The following KLHL24 variants were observed in gnomAD, a reference collection of about 807,000 sequenced individuals.
KLHL24 encodes the protein kelch-like protein 24.
In KLHL24, 29 loss-of-function variants were observed where a neutral mutation model predicts 53.4. The observed-to-expected ratio is 0.54, with a 90% CI of 0.40 to 0.74. The LOEUF is 0.74. Among genes scored for constraint, KLHL24 ranks in the 30% least tolerant of loss-of-function variants. The pLI is 0.00. For missense variants in KLHL24, 504 were observed against 744.0 expected (o/e 0.68, Z 3.75); for synonymous variants, 222 against 253.7 (o/e 0.88, Z 1.19).
intron 7 of KLHL24, among the ~76,000 whole-genome samples, chr3:183,674,279 CTT>C (rs1223268744): frequency 6.6e-6 from 1 of 150,384 alleles, no homozygotes; most frequent in Non-Finnish European, 1.5e-5. Context: ...TTCTTTCTTT[CTT>C]TCTTTCTTTC....
rs909333512 is a variant in KLHL24, at chr3:183,679,367, C to T, written c.*81C>T. 1.1e-6 allele frequency: 1 copy of T among 936,388 alleles called. No individual in the cohort carries two copies. The highest frequency in any genetic ancestry group is 1.7e-5 in the African/African-American group (1 of 60,040). 58.0% of individuals were successfully genotyped at this position (936,388 alleles called of 1,614,324 possible). A position where few individuals can be genotyped will look rare whatever the true frequency, so the allele number is the denominator to read the frequency against. ...ACTCTACAGTGGGAACTTCACATATCTCCTTTGTGCCATATGCAAAAAATA... is the reference window on the plus strand; with the variant it reads ...ACTCTACAGTGGGAACTTCACATATTTCCTTTGTGCCATATGCAAAAAATA... On this transcript the variant is annotated 3_prime_UTR_variant, in exon 8 of 8. Coordinates refer to ENST00000242810, the MANE Select transcript of KLHL24 (RefSeq NM_017644.3).
At chr3:183,646,012 C>G (rs201262572) in intron 2 of KLHL24, among the ~76,000 whole-genome samples, 1 of 151,566 alleles carries the variant, frequency 6.6e-6, no homozygotes, top group East Asian at 1.9e-4. Flanking sequence ...TTAGAAAATG[C>G]ATGTATATTT....
rs755337179 is a variant in KLHL24, at chr3:183,663,437, C to T, written c.921-21C>T. The T allele has an allele frequency of 5.1e-5, 64 of 1,267,244 alleles. No individual in the cohort carries two copies. The highest frequency in any genetic ancestry group is 7.7e-5 in the East Asian group (3 of 39,088). 78.5% of individuals were successfully genotyped at this position (1,267,244 alleles called of 1,614,324 possible). A position where few individuals can be genotyped will look rare whatever the true frequency, so the allele number is the denominator to read the frequency against. On this transcript the variant is annotated intron_variant, in intron 3 of 7. Coordinates refer to ENST00000242810, the MANE Select transcript of KLHL24 (RefSeq NM_017644.3). This position sits in a 1 kb window ranked among gnomAD's most constrained non-coding sequence, Gnocchi z 4.9. ...GTAATATTATTATATTATTTATGTACGCTAATAATTATTATTTTAGGTCCA... is the reference window on the plus strand; with the variant it reads ...GTAATATTATTATATTATTTATGTATGCTAATAATTATTATTTTAGGTCCA...
chr3:183,651,819 C>T (rs988172071), intron 3 of KLHL24, among the ~76,000 whole-genome samples: 15 of 152,092 alleles, frequency 9.9e-5, no homozygotes, highest in Admixed American at 2.6e-4. Context: ...CATGGTGGCA[C>T]GGACCTGTAG....
chr3:183,653,249 A>T (rs1431185316), intron 3 of KLHL24, among the ~76,000 whole-genome samples: 1 of 151,948 alleles, frequency 6.6e-6, no homozygotes, highest in Non-Finnish European at 1.5e-5. Flanking sequence ...TTATGTGGGC[A>T]TTACATGAGT....
intron 1 of KLHL24, among the ~76,000 whole-genome samples, chr3:183,638,439 A>AT (rs998343039): frequency 3.8e-5 from 5 of 131,722 alleles, no homozygotes; most frequent in African/African-American, 1.6e-4. Context: ...GACCACAGTT[A>AT]TTTTTGTCTA....
At chr3:183,651,630 T>C (rs1021704116) in intron 3 of KLHL24, among the ~76,000 whole-genome samples, 3 of 151,996 alleles carry the variant, frequency 2.0e-5, no homozygotes, top group African/African-American at 7.2e-5. Flanking sequence ...AAGATTTTAG[T>C]AGGCTCTCTT....
chr3:183,640,330 A>G (rs997904213), intron 1 of KLHL24, among the ~76,000 whole-genome samples: 7 of 152,166 alleles, frequency 4.6e-5, no homozygotes, highest in Non-Finnish European at 8.8e-5. Flanking sequence ...GGAGAAATTC[A>G]TATTTTTTTT....
At chr3:183,652,487 A>G (rs1358622643) in intron 3 of KLHL24, among the ~76,000 whole-genome samples, 1 of 152,058 alleles carries the variant, frequency 6.6e-6, no homozygotes, top group Non-Finnish European at 1.5e-5. Flanking sequence ...TGTCTTAATC[A>G]TTTTTAATTA....
intron 3 of KLHL24, among the ~76,000 whole-genome samples, chr3:183,653,277 C>T (rs1718381598): frequency 7.5e-6 from 1 of 132,784 alleles, no homozygotes; most frequent in Non-Finnish European, 1.6e-5. Context: ...TATTTTATAA[C>T]TCTGCTATCA....
At chr3:183,654,368 T>C (rs1290121179) in intron 3 of KLHL24, among the ~76,000 whole-genome samples, 1 of 152,206 alleles carries the variant, frequency 6.6e-6, no homozygotes, top group Admixed American at 6.5e-5. Context: ...TCTCATCTAT[T>C]TTCATGGTTT....
chr3:183,652,802 C>T (rs1006074779), intron 3 of KLHL24, among the ~76,000 whole-genome samples: 2 of 152,258 alleles, frequency 1.3e-5, no homozygotes, highest in African/African-American at 4.8e-5. Flanking sequence ...CACACAGTAT[C>T]CCTCTAAAGG....
chr3:183,674,185 T>C (rs1010942144), intron 7 of KLHL24, among the ~76,000 whole-genome samples: 5 of 152,166 alleles, frequency 3.3e-5, no homozygotes, highest in Non-Finnish European at 5.9e-5. Flanking sequence ...CAAACAAAAA[T>C]ACTCTAATTA....
intron 5 of KLHL24, among the ~76,000 whole-genome samples, chr3:183,669,016 A>T (rs1186661293): frequency 1.3e-5 from 2 of 152,220 alleles, no homozygotes; most frequent in Admixed American, 6.5e-5. Flanking sequence ...TCCCAAGATT[A>T]CACAAAAAAT....
At chr3:183,642,900 A>C (rs1284953175) in intron 1 of KLHL24, 6 of 152,072 alleles carry the variant, frequency 3.9e-5, no homozygotes, top group Non-Finnish European at 8.8e-5. Context: ...CTCATTTTTC[A>C]CTCAAGAAAT....
Position 183,680,738 on chromosome 3 carries a change from T to C in KLHL24, c.*1452T>C, listed in dbSNP as rs1023003112. 1.3e-5 allele frequency: 2 copies of C among 152,186 alleles called. No individual in the cohort carries two copies. The highest frequency in any genetic ancestry group is 4.8e-5 in the African/African-American group (2 of 41,450). The allele number at this position is 152,186 out of a possible 1,614,324, so 9.4% of individuals were successfully genotyped here. On this transcript the variant is annotated 3_prime_UTR_variant, in exon 8 of 8. Transcript: ENST00000242810. ...CAGGAACTACAGCATAAGTGATTAT[T>C]GTGATTCTGGGTGGACGGATATAAT...
At chr3:183,664,854 G>T in intron 4 of KLHL24, 67 bp from the exon 5 acceptor site, 1 of 801,568 alleles carries the variant, frequency 1.2e-6, no homozygotes. Context: ...TGCCTTGGTG[G>T]CACAGATCTC....
chr3:183,669,887 A>C (rs1347406268), intron 5 of KLHL24, among the ~76,000 whole-genome samples: 1 of 152,206 alleles, frequency 6.6e-6, no homozygotes, highest in Admixed American at 6.5e-5. Flanking sequence ...CTGTGGAAGA[A>C]GACTCAGTGG....
chr3:183,647,661 A>G (rs747812154), intron 2 of KLHL24, among the ~76,000 whole-genome samples: 3 of 152,152 alleles, frequency 2.0e-5, no homozygotes, highest in Non-Finnish European at 1.5e-5. Flanking sequence ...CAGTGAGCCA[A>G]GATGGCGCCA....
Sources: gnomAD v4.1 joint callset for allele counts (sites outside exome capture counted in the v4.1 genomes callset) on GRCh38, gnomAD v4.1.1 for gene constraint, Gnocchi (gnomAD v3.1) non-coding constraint, MANE v1.5 for transcripts, NCBI Gene and HGNC (gene_info 2026-07-23, HGNC 2026-07-21) for gene names.